MGAM: variants seen among roughly 807,000 people sequenced by gnomAD.
MGAM encodes maltase-glucoamylase, also known as alpha-1,4-glucosidase.
In MGAM, 253 loss-of-function variants were observed where a neutral mutation model predicts 358.8. The observed-to-expected ratio is 0.71, with a 90% CI of 0.64 to 0.78. The LOEUF is 0.78. MGAM is among the 30% of genes least tolerant of loss of function. The pLI is 0.00. For synonymous variants in MGAM, 1,105 were observed against 1,227.1 expected, an observed-to-expected ratio of 0.90 and a Z score of 2.08; for missense variants, 3,080 against 3,432.6, an observed-to-expected ratio of 0.90 and a Z score of 2.57.
At chr7:142,044,976 A>G (rs1390311736) in intron 21 of MGAM, among the ~76,000 whole-genome samples, 1 of 108,776 alleles carries the variant, frequency 9.2e-6, no homozygotes, top group Non-Finnish European at 1.8e-5. Context: ...TATATGATAT[A>G]TAATGTATAT....
Position 142,042,478 on chromosome 7 carries a change from A to G in MGAM, c.2498+1632A>G, listed in dbSNP as rs868695870. The stretch of plus-strand genomic sequence containing the variant: ...TAACATATAATATATAATATATAAT[A>G]TATATTATATACATATATATAATAT... On this transcript the variant is annotated intron_variant, in intron 21 of 70. Transcript: ENST00000475668. Among the ~76,000 whole-genome samples, 8 of 12,892 alleles carry G rather than the reference A, an allele frequency of 6.2e-4. 1 individual carries two copies. Among genetic ancestry groups the G allele is most frequent in the Non-Finnish European group, 8.1e-4 (7 of 8,646 alleles). The allele number at this position is 12,892 out of a possible 152,430, so 8.5% of individuals were successfully genotyped here. A position where few individuals can be genotyped will look rare whatever the true frequency, so the allele number is the denominator to read the frequency against.
intron 12 of MGAM, among the ~76,000 whole-genome samples, chr7:142,031,134 CTCT>C (rs1258830346): frequency 2.3e-4 from 35 of 152,136 alleles, no homozygotes; most frequent in African/African-American, 8.0e-4. Flanking sequence ...TGTTTCATAC[CTCT>C]TCTTACTCAA....
At chr7:142,021,472 C>T (rs1055324234) in intron 5 of MGAM, 114 bp from the exon 6 acceptor site, 2 of 1,057,456 alleles carry the variant, frequency 1.9e-6, no homozygotes, top group Non-Finnish European at 1.4e-6. Context: ...GTACATCTAC[C>T]TAAGATATGA....
At chr7:142,009,005 G>A (rs892915197) in intron 3 of MGAM, among the ~76,000 whole-genome samples, 2 of 152,094 alleles carry the variant, frequency 1.3e-5, no homozygotes, top group East Asian at 1.9e-4. Context: ...AGTGTGTCCC[G>A]TGAAAGATTT....
At chr7:142,090,264 T>A (rs1160985526) in intron 57 of MGAM, among the ~76,000 whole-genome samples, 1 of 145,918 alleles carries the variant, frequency 6.9e-6, no homozygotes, top group African/African-American at 2.4e-5. Flanking sequence ...AGTTCCTACA[T>A]CATGGCTGGC....
rs574147702 is a variant in MGAM, at chr7:142,021,642, C to T, written c.615C>T (p.Phe205=). The stretch of plus-strand genomic sequence containing the variant: ...TGCCCCACGAACACGTGCAGTCCTT[C>T]AGTGGAAATGCTGCTGCTTCTTTGA... ...FEVPHEHVQS[F]SGNAAASLTY... Residue 205 remains phenylalanine (F), a synonymous_variant, in exon 6 of 71, where the codon TTC becomes TTT. Coordinates refer to ENST00000475668, the MANE Select transcript of MGAM (RefSeq NM_001365693.1). 3 of 1,613,956 alleles carry T rather than the reference C, an allele frequency of 1.9e-6. No individual in the cohort carries two copies. In the African/African-American group the frequency reaches 4.0e-5, roughly 22 times the overall value.
rs914831741 is a variant in MGAM at position 142,050,606 on chromosome 7, G to T, written c.2638-91G>T. On this transcript the variant is annotated intron_variant, in intron 23 of 70. Transcript: ENST00000475668. ...AGAGAGGCATTTATGGCAGTGGGGG[G>T]TATCCGGTCTGGAATGGAATATTTG... The T allele has an allele frequency of 5.4e-6, 7 of 1,306,180 alleles. No homozygotes were observed. In the Admixed American group the frequency reaches 1.3e-4, roughly 24 times the overall value. 80.9% of individuals were successfully genotyped at this position (1,306,180 alleles called of 1,614,324 possible).
At chr7:142,089,616 C>T (rs987055060) in intron 57 of MGAM, among the ~76,000 whole-genome samples, 3 of 145,400 alleles carry the variant, frequency 2.1e-5, no homozygotes, top group African/African-American at 4.9e-5. Flanking sequence ...CATGGTGAAA[C>T]CCCATCTTTA....
In MGAM at chr7:142,059,844, C is replaced by A. The variant is rs1224472608; in HGVS notation, c.3949-12C>A. On this transcript the variant is annotated splice_polypyrimidine_tract_variant and intron_variant, in intron 32 of 70. Transcript: ENST00000475668. ...CTTTGGTTTTCCCAACTGACTTATG[C>A]TTTGATTTCAGGATCCAGCCATTTC... 1.2e-6 allele frequency: 2 copies of A among 1,602,968 alleles called. No individual in the cohort carries two copies. Among genetic ancestry groups the A allele is most frequent in the Non-Finnish European group, 1.7e-6 (2 of 1,174,294 alleles).
intron 57 of MGAM, among the ~76,000 whole-genome samples, chr7:142,090,885 A>G (rs1244559261): frequency 6.8e-6 from 1 of 146,416 alleles, no homozygotes; most frequent in East Asian, 2.0e-4. Context: ...GCATTGTGCA[A>G]AATATAAATG....
chr7:142,047,800 T>C lies in MGAM; in HGVS notation c.2514T>C (p.Leu838=), dbSNP rs1379952161. ...TTTLASRKNP[L]GLIIALDENK... is the part of the protein sequence containing the mutation. ...TTCCCCACAGTCGAAAGAACCCTCT[T>C]GGTCTTATCATTGCCCTAGATGAGA... The change falls in exon 22 of 71, where the codon CTT becomes CTC. Residue 838 remains leucine, a synonymous_variant. Coordinates refer to ENST00000475668, the MANE Select transcript of MGAM (RefSeq NM_001365693.1). The C allele has an allele frequency of 6.2e-7, 1 of 1,612,690 alleles. No homozygotes were observed. Among genetic ancestry groups the C allele is most frequent in the Non-Finnish European group, 8.5e-7 (1 of 1,178,808 alleles).
intron 3 of MGAM, among the ~76,000 whole-genome samples, chr7:142,016,261 A>G (rs1362959004): frequency 1.3e-5 from 2 of 152,150 alleles, no homozygotes; most frequent in East Asian, 1.9e-4. Context: ...GCTTGTCTCT[A>G]TCTCTGAATT....
At chr7:141,991,969 G>A (rs1554447435), upstream of MGAM, among the ~76,000 whole-genome samples, 1 of 152,178 alleles carries the variant, frequency 6.6e-6, no homozygotes, top group Non-Finnish European at 1.5e-5. Flanking sequence ...CATCATAGAT[G>A]TTGTGCAGGG....
At chr7:142,050,405 T>C (rs1810831367) in intron 23 of MGAM, 121 bp downstream of exon 23, 1 of 1,164,600 alleles carries the variant, frequency 8.6e-7, no homozygotes, top group Admixed American at 1.7e-5. Context: ...TTATTGGCTA[T>C]AGGTGAGTAC....
chr7:142,081,984 G>T, intron 50 of MGAM, 58 bp from the exon 51 acceptor site: 1 of 1,492,124 alleles, frequency 6.7e-7, no homozygotes, highest in Non-Finnish European at 9.3e-7. Flanking sequence ...AAAGTCAGCT[G>T]CTGGAAGCAG....
chr7:141,988,689 TA>T (rs61512701), intron 2 of MGAM, among the ~76,000 whole-genome samples: 4,749 of 152,290 alleles, frequency 0.031, 92 homozygotes, highest in East Asian at 0.1. Context: ...ATGTGAATAC[TA>T]GGTGATGTGT....
At chr7:142,006,355 G>A (rs1455775945) in intron 2 of MGAM, among the ~76,000 whole-genome samples, 1 of 152,108 alleles carries the variant, frequency 6.6e-6, no homozygotes, top group Non-Finnish European at 1.5e-5. Context: ...TGGTGGTGGA[G>A]AAGGACTCTC....
chr7:142,059,430 G>A (rs534662422), intron 31 of MGAM, 42 bp from the exon 32 acceptor site: 23 of 1,595,094 alleles, frequency 1.4e-5, no homozygotes, highest in African/African-American at 8.0e-5. Context: ...AAGCTTGGGC[G>A]TGTACAGCAG....
At chr7:142,033,253 C>T (rs782715693) in intron 14 of MGAM, among the ~76,000 whole-genome samples, 2 of 152,086 alleles carry the variant, frequency 1.3e-5, no homozygotes, top group Non-Finnish European at 2.9e-5. Context: ...CAGAGAGACA[C>T]CAGGTAACCA....
Sources: allele counts gnomAD v4.1 joint callset (sites outside exome capture counted in the v4.1 genomes callset), GRCh38; gene constraint gnomAD v4.1.1; transcripts MANE v1.5; gene names NCBI Gene and HGNC (gene_info 2026-07-23, HGNC 2026-07-21).